LLGL1: variants seen among roughly 807,000 people sequenced by gnomAD.
LLGL1 encodes lethal(2) giant larvae protein homolog 1.
A neutral mutation model predicts 110.6 loss-of-function variants in LLGL1; 58 were observed. That is an observed-to-expected ratio of 0.52 (90% CI 0.42 to 0.65). The LOEUF (loss-of-function observed/expected upper bound fraction) is 0.65, where lower values mean the gene tolerates loss of function less well. Ranked by LOEUF, LLGL1 falls within the 30% of genes least tolerant of loss-of-function variation. LLGL1 has a pLI of 0.00. For synonymous variants in LLGL1, 674 were observed against 607.2 expected (o/e 1.11, Z -1.62); for missense variants, 1,229 against 1,462.1 (o/e 0.84, Z 2.60).
In LLGL1 at chr17:18,242,629, G is replaced by A. The variant is rs1301843716; in HGVS notation, c.3116+1G>A. 1.2e-6 allele frequency: 2 copies of A among 1,606,340 alleles called. No homozygotes were observed. The highest frequency in any genetic ancestry group is 1.7e-6 in the Non-Finnish European group (2 of 1,176,208). ...TGGAAGATGTGAAGGATTTCCTGGGGTGAGGCTGGTGGGCAGGTCCACAGG... is the reference window on the plus strand; with the variant it reads ...TGGAAGATGTGAAGGATTTCCTGGGATGAGGCTGGTGGGCAGGTCCACAGG... On this transcript the variant is annotated splice_donor_variant, in intron 21 of 22. Transcript: ENST00000316843. LOFTEE classifies it high-confidence loss of function.
In LLGL1 at chr17:18,236,722, G is replaced by A. The variant is rs759924065; in HGVS notation, c.1468G>A (p.Ala490Thr). ...QTDCEHADSL[A>T]QAAEDDWPPF... ...AGACTGTGAGCACGCTGACAGCCTG[G>A]CCCAGGCTGCCGAGGACGACTGGCC... The change falls in exon 12 of 23, where the codon GCC becomes ACC. Residue 490 changes from alanine (A) to threonine (T), a missense_variant. By Grantham distance (58) the Ala-to-Thr change is moderately conservative. Coordinates refer to ENST00000316843, the MANE Select transcript of LLGL1 (RefSeq NM_004140.4). The A allele has an allele frequency of 1.9e-6, 3 of 1,612,364 alleles. No individual in the cohort carries two copies. Among genetic ancestry groups the A allele is most frequent in the Admixed American group, 3.3e-5 (2 of 60,004 alleles).
chr17:18,232,033 C>T (rs1013908896), intron 2 of LLGL1, among the ~76,000 whole-genome samples: 4 of 152,242 alleles, frequency 2.6e-5, no homozygotes, highest in Admixed American at 2.0e-4. Flanking sequence ...CTTCTGCCCC[C>T]TGGCTTTCTT....
intron 1 of LLGL1, among the ~76,000 whole-genome samples, chr17:18,226,575 C>T (rs1019805295): frequency 6.6e-6 from 1 of 152,256 alleles, no homozygotes; most frequent in Non-Finnish European, 1.5e-5. Context: ...CTGCACTTCG[C>T]ATCGTGGGGC....
Position 18,234,659 on chromosome 17 carries a change from C to G in LLGL1, c.861C>G (p.Pro287=), listed in dbSNP as rs989865864. 1.9e-6 allele frequency: 3 copies of G among 1,614,036 alleles called. No homozygotes were observed. Among genetic ancestry groups the G allele is most frequent in the African/African-American group, 1.3e-5 (1 of 74,918 alleles). Residue 287 remains proline (P), a synonymous_variant, in exon 8 of 23, where the codon CCC becomes CCG. Transcript: ENST00000316843. ...TGTCCCACCCCTCAGGCCCCTTTCCCTGCAAGGCCATTAACAAGATTCTGT... is the reference window on the plus strand; with the variant it reads ...TGTCCCACCCCTCAGGCCCCTTTCCGTGCAAGGCCATTAACAAGATTCTGT... The part of the protein sequence containing the change: ...TVATTPYGPF[P]CKAINKILWR...
chr17:18,240,699 C>G lies in LLGL1; in HGVS notation c.2328C>G (p.Ala776=). The G allele has an allele frequency of 1.2e-6, 2 of 1,612,984 alleles. No individual in the cohort carries two copies. Among genetic ancestry groups the G allele is most frequent in the Non-Finnish European group, 1.7e-6 (2 of 1,179,818 alleles). ...AGCGGCCTGAGCAAGCGGTGGAGGC[C>G]GTGCTGGGCAAGGAGGTGCAGCTGA... ...GEKRPEQAVE[A]VLGKEVQLMH... The change falls in exon 17 of 23, where the codon GCC becomes GCG. Residue 776 remains alanine, a synonymous_variant. Transcript: ENST00000316843. The surrounding 1 kb of genome is among the most constrained non-coding windows in gnomAD (Gnocchi z 5.3).
In LLGL1 at chr17:18,225,762, A is replaced by G. The variant is rs896304706; in HGVS notation, c.80A>G (p.Lys27Arg). ...KLKQELFAFN[K>R]TVEHGFPNQP... The stretch of plus-strand genomic sequence containing the variant: ...AAGCAGGAGCTTTTCGCCTTCAACA[A>G]GGTGCGGCGGCGGCCCGGGCCCGGG... The change falls in exon 1 of 23, where the codon AAG (lysine) becomes AGG (arginine). Residue 27 changes from lysine (K) to arginine (R), a missense_variant and splice_region_variant. Transcript: ENST00000316843. The G allele has an allele frequency of 6.9e-4, 688 of 990,114 alleles. No homozygotes were observed. Among genetic ancestry groups the G allele is most frequent in the Non-Finnish European group, 7.8e-4 (644 of 825,912 alleles). The allele number at this position is 990,114 out of a possible 1,614,324, so 61.3% of individuals were successfully genotyped here.
chr17:18,230,973 G>A (rs1216467574), intron 2 of LLGL1, among the ~76,000 whole-genome samples: 5 of 152,186 alleles, frequency 3.3e-5, no homozygotes, highest in African/African-American at 1.2e-4. Flanking sequence ...GTGTGGCAGT[G>A]CTCTGGGCCC....
In LLGL1 at chr17:18,232,820, T is replaced by G. The variant is rs769317811; in HGVS notation, c.392+18T>G. Reference sequence around the variant, plus strand: ...GGTGCCAGGTACTGGAGAACTTGGCTGGGGCCAGCCACCGGGCAGGGAGGA... The same window carrying G: ...GGTGCCAGGTACTGGAGAACTTGGCGGGGGCCAGCCACCGGGCAGGGAGGA... On this transcript the variant is annotated intron_variant, in intron 4 of 22. Coordinates refer to ENST00000316843, the MANE Select transcript of LLGL1 (RefSeq NM_004140.4). 19 of 1,613,400 alleles carry G rather than the reference T, an allele frequency of 1.2e-5. No individual in the cohort carries two copies. The highest frequency in any genetic ancestry group is 1.7e-4 in the Middle Eastern group (1 of 6,052).
Position 18,242,521 on chromosome 17 carries a change from A to G in LLGL1, c.3009A>G (p.Pro1003=). The change falls in exon 21 of 23, where the codon CCA becomes CCG. Residue 1003 remains proline (P), a synonymous_variant. Transcript: ENST00000316843. ...TGCTCCCTGTAGACACCCCGGAGCCACCCGAGGCTGCACTCTCACCCATGT... is the reference window on the plus strand; with the variant it reads ...TGCTCCCTGTAGACACCCCGGAGCCGCCCGAGGCTGCACTCTCACCCATGT... ...AHSMGPDTPE[P]PEAALSPMSI... is the part of the protein sequence containing the mutation. 1 of 1,613,904 alleles carries G rather than the reference A, an allele frequency of 6.2e-7. No homozygotes were observed.
intron 15 of LLGL1, 115 bp downstream of exon 15, chr17:18,238,329 G>A: frequency 6.3e-7 from 1 of 1,575,168 alleles, no homozygotes; most frequent in South Asian, 1.1e-5. Context: ...GCAGCCCCTG[G>A]GCCCTCCAGA....
intron 15 of LLGL1, 51 bp from the exon 16 acceptor site, chr17:18,238,405 C>A: frequency 6.3e-7 from 1 of 1,578,138 alleles, no homozygotes; most frequent in Non-Finnish European, 8.6e-7. Flanking sequence ...AAGCAGGATG[C>A]AAGCCACTGG....
rs757615746 is a variant in LLGL1 at position 18,242,714 on chromosome 17, C to A, written c.3117-29C>A. The A allele has an allele frequency of 3.2e-6, 5 of 1,560,596 alleles. No homozygotes were observed. The East Asian group carries it at 9.5e-5, about 30-fold the overall frequency. On this transcript the variant is annotated intron_variant, in intron 21 of 22. Coordinates refer to ENST00000316843, the MANE Select transcript of LLGL1 (RefSeq NM_004140.4). ...GGGCTGCCAGGGGCTCCCCCGCCCC[C>A]ACCCCTGAGCACCATCCCCATCTCG... is the stretch of plus-strand genomic sequence containing the variant.
In LLGL1 at chr17:18,236,670, G is replaced by A. The variant is rs1169890668; in HGVS notation, c.1416G>A (p.Lys472=). 1.2e-6 allele frequency: 2 copies of A among 1,612,870 alleles called. No homozygotes were observed. Among genetic ancestry groups the A allele is most frequent in the Admixed American group, 1.7e-5 (1 of 60,026 alleles). The change falls in exon 12 of 23, where the codon AAG becomes AAA. Residue 472 remains lysine (K), a synonymous_variant. Coordinates refer to ENST00000316843, the MANE Select transcript of LLGL1 (RefSeq NM_004140.4). ...GTGTGGCGCTGCGGCCGCTCTATAAGCTGAGCACAGCTGGCCTCTTCCAGA... is the reference window on the plus strand; with the variant it reads ...GTGTGGCGCTGCGGCCGCTCTATAAACTGAGCACAGCTGGCCTCTTCCAGA... ...ASGVALRPLY[K]LSTAGLFQTD... is the part of the protein sequence containing the mutation.
At position 18,242,172 on chromosome 17, in the gene LLGL1, G is replaced by A. The variant is rs1168138829; in HGVS notation, c.2889G>A (p.Arg963=). The A allele has an allele frequency of 1.2e-6, 2 of 1,613,614 alleles. No homozygotes were observed. Among genetic ancestry groups the A allele is most frequent in the Non-Finnish European group, 1.7e-6 (2 of 1,179,758 alleles). The change falls in exon 20 of 23, where the codon AGG becomes AGA. Residue 963 remains arginine, a synonymous_variant. Transcript: ENST00000316843. ...CATGGCCCCATCTCTGCAGTTACAG[G>A]ATCCGAGAGTCACCCAAGCTGAGCC... ...WPRDATQASY[R]IRESPKLSQA...
In LLGL1 at chr17:18,237,603, G is replaced by A. The variant is rs775338725; in HGVS notation, c.1734G>A (p.Thr578=). 1.7e-5 allele frequency: 28 copies of A among 1,610,872 alleles called. No homozygotes were observed. Among genetic ancestry groups the A allele is most frequent in the Admixed American group, 5.0e-5 (3 of 59,962 alleles). Residue 578 remains threonine, a synonymous_variant, in exon 14 of 23, where the codon ACG becomes ACA. Transcript: ENST00000316843. ...WKGHERLSPR[T]GPLPWPAGFQ... is the part of the protein sequence containing the mutation. ...GCCACGAGCGGCTGAGCCCACGCAC[G>A]GGGCCGCTGCCCTGGCCTGCTGGCT...
Position 18,240,565 on chromosome 17 carries a change from T to C in LLGL1, c.2207-13T>C, listed in dbSNP as rs1295968260. On this transcript the variant is annotated splice_polypyrimidine_tract_variant and intron_variant, in intron 16 of 22. Coordinates refer to ENST00000316843, the MANE Select transcript of LLGL1 (RefSeq NM_004140.4). This position sits in a 1 kb window ranked among gnomAD's most constrained non-coding sequence, Gnocchi z 5.3. ...CCACAGGGAGCACCCTCCTACGCGC[T>C]TGTTTTCTGCAGGGGCCCACCACGG... 1 of 1,581,148 alleles carries C rather than the reference T, an allele frequency of 6.3e-7. No homozygotes were observed. The highest frequency in any genetic ancestry group is 8.6e-7 in the Non-Finnish European group (1 of 1,160,160).
At chr17:18,242,652 AG>A (rs768776352) in intron 21 of LLGL1, 24 bp downstream of exon 21, 43 of 1,590,334 alleles carry the variant, frequency 2.7e-5, no homozygotes, top group African/African-American at 4.0e-5. Flanking sequence ...GCAGGTCCAC[AG>A]GGGGGGCTGC....
At position 18,244,057 on chromosome 17, in the gene LLGL1, C is replaced by T; in HGVS notation, c.*151C>T. 6.6e-6 allele frequency: 1 copy of T among 152,472 alleles called. No homozygotes were observed. The highest frequency in any genetic ancestry group is 1.5e-5 in the Non-Finnish European group (1 of 68,202). The allele number at this position is 152,472 out of a possible 1,614,324, so 9.4% of individuals were successfully genotyped here. ...CTGTCCTGTCCCGCCTGACCCTGGG[C>T]CCTGGAGCAGCACCAGCCCCAGGGT... On this transcript the variant is annotated 3_prime_UTR_variant, in exon 23 of 23. Coordinates refer to ENST00000316843, the MANE Select transcript of LLGL1 (RefSeq NM_004140.4).
chr17:18,238,616 CA>C lies in LLGL1; in HGVS notation c.2206+8del. Reference sequence around the variant, plus strand: ...GACACATTCCTTCGAGATGGTAAGGCAGGGGCAGGGGCAGGGACAGGGCAAG... The same window carrying C: ...GACACATTCCTTCGAGATGGTAAGGCGGGGCAGGGGCAGGGACAGGGCAAG... On this transcript the variant is annotated splice_region_variant and intron_variant, in intron 16 of 22. Transcript: ENST00000316843. The C allele has an allele frequency of 1.2e-6, 2 of 1,605,470 alleles. No homozygotes were observed. Among genetic ancestry groups the C allele is most frequent in the East Asian group, 2.2e-5 (1 of 44,782 alleles).
Sources: gnomAD v4.1 joint callset for allele counts (sites outside exome capture counted in the v4.1 genomes callset) on GRCh38, gnomAD v4.1.1 for gene constraint, Gnocchi (gnomAD v3.1) non-coding constraint, MANE v1.5 for transcripts, NCBI Gene and HGNC (gene_info 2026-07-23, HGNC 2026-07-21) for gene names.